HSPH1: variants seen among roughly 807,000 people sequenced by gnomAD.
HSPH1 encodes heat shock protein 105 kDa.
In HSPH1, 40 loss-of-function variants were observed where a neutral mutation model predicts 100.0. That is an observed-to-expected ratio of 0.40 (90% CI 0.31 to 0.52). The LOEUF is 0.52. HSPH1 is among the 20% of genes least tolerant of loss of function. The pLI, the probability that HSPH1 is intolerant of heterozygous loss-of-function variation, is 0.54. For missense variants in HSPH1, 876 were observed against 1,015.1 expected (o/e 0.86, Z 1.86); for synonymous variants, 403 against 344.0 (o/e 1.17, Z -1.90).
chr13:31,148,867 G>A (rs1385654839), intron 8 of HSPH1, among the ~76,000 whole-genome samples: 2 of 151,948 alleles, frequency 1.3e-5, no homozygotes, highest in African/African-American at 4.8e-5. Flanking sequence ...AAATGTCTGA[G>A]AAACCCCCCA....
intron 6 of HSPH1, 140 bp from the exon 7 acceptor site, chr13:31,151,331 C>A: frequency 1.3e-6 from 1 of 791,898 alleles, no homozygotes; most frequent in East Asian, 2.7e-5. Context: ...CCAAATCAGT[C>A]AGGAATAAAT....
rs544610284 is a variant in HSPH1, at chr13:31,137,439, G to C, written c.2456C>G (p.Pro819Arg). The change falls in exon 18 of 18, where the codon CCA (proline) becomes CGA (arginine). Residue 819 changes from proline (P) to arginine (R), a missense_variant. Transcript: ENST00000320027. ...ATCTTCTTCCTTTTTATCAATATTT[G>C]GGCCATTTGGAGTTCTTTCCAGTTT... ...SPKLERTPNG[P>R]NIDKKEEDLE... 6.2e-7 allele frequency: 1 copy of C among 1,613,372 alleles called. No individual in the cohort carries two copies. The highest frequency in any genetic ancestry group is 8.5e-7 in the Non-Finnish European group (1 of 1,179,564).
chr13:31,143,370 GACCGA>G (rs760537573), intron 12 of HSPH1, among the ~76,000 whole-genome samples: 39 of 151,974 alleles, frequency 2.6e-4, no homozygotes, highest in Non-Finnish European at 4.7e-4. Context: ...ACTTAAATTT[GACCGA>G]TGGCTTGAGA....
Position 31,156,889 on chromosome 13 carries a change from G to A in HSPH1, c.166-1235C>T, listed in dbSNP as rs560429072. Among the ~76,000 whole-genome samples, 7 of 152,174 alleles carry A rather than the reference G, an allele frequency of 4.6e-5. No homozygotes were observed. The East Asian group carries it at 1.4e-3, about 29-fold the overall frequency. On this transcript the variant is annotated intron_variant, in intron 2 of 17. Coordinates refer to ENST00000320027, the MANE Select transcript of HSPH1 (RefSeq NM_006644.4). ...GGTGTTTTTTTAATCCACCGTTTTGGTCAAATATTTTAGGTAAACTCTAGA... is the reference window on the plus strand; with the variant it reads ...GGTGTTTTTTTAATCCACCGTTTTGATCAAATATTTTAGGTAAACTCTAGA...
At chr13:31,156,808 A>G (rs1956715493) in intron 2 of HSPH1, among the ~76,000 whole-genome samples, 2 of 152,208 alleles carry the variant, frequency 1.3e-5, no homozygotes, top group South Asian at 4.1e-4. Flanking sequence ...AAAAACAAGA[A>G]ATTGAACTGC....
chr13:31,158,514 A>G (rs1335250808), intron 2 of HSPH1, among the ~76,000 whole-genome samples: 2 of 140,524 alleles, frequency 1.4e-5, no homozygotes, highest in Non-Finnish European at 3.0e-5. Context: ...GCGCCACTGC[A>G]CTCTAGCCTG....
At chr13:31,138,593 C>A (rs1278326518) in intron 16 of HSPH1, 25 bp from the exon 17 acceptor site, 1 of 1,588,610 alleles carries the variant, frequency 6.3e-7, no homozygotes, top group East Asian at 2.2e-5. Flanking sequence ...CACGGTCATT[C>A]TGTAGAATTT....
rs200788991 is a variant in HSPH1, at chr13:31,161,325, G to C, written c.107+151C>G. 686 of 1,366,950 alleles carry C rather than the reference G, an allele frequency of 5.0e-4. 8 individuals carry two copies. In the East Asian group the frequency reaches 0.017, roughly 33 times the overall value. 84.7% of individuals were successfully genotyped at this position (1,366,950 alleles called of 1,614,324 possible). A position where few individuals can be genotyped will look rare whatever the true frequency, so the allele number is the denominator to read the frequency against. ...CAAGCCCCCCATCCCTCCTCTGGCC[G>C]GGTCGCTGGTCCCTAGTTCCACGGA... is the stretch of plus-strand genomic sequence containing the variant. On this transcript the variant is annotated intron_variant, in intron 1 of 17. Transcript: ENST00000320027.
intron 2 of HSPH1, among the ~76,000 whole-genome samples, chr13:31,156,189 G>A (rs999571303): frequency 6.6e-6 from 1 of 152,190 alleles, no homozygotes; most frequent in Admixed American, 6.5e-5. Context: ...AGGAGATGGA[G>A]ACCATCCTGG....
rs1257477186 is a variant in HSPH1 at position 31,137,290 on chromosome 13, T to C, written c.*28A>G. On this transcript the variant is annotated 3_prime_UTR_variant, in exon 18 of 18. Coordinates refer to ENST00000320027, the MANE Select transcript of HSPH1 (RefSeq NM_006644.4). ...TACTATGGCAAAAATATTTTATTAA[T>C]TGAAGGAATAGGCCAATTTAAGGTT... 1 of 1,346,806 alleles carries C rather than the reference T, an allele frequency of 7.4e-7. No homozygotes were observed. The highest frequency in any genetic ancestry group is 1.9e-5 in the Admixed American group (1 of 52,622). The allele number at this position is 1,346,806 out of a possible 1,614,324, so 83.4% of individuals were successfully genotyped here. A position where few individuals can be genotyped will look rare whatever the true frequency, so the allele number is the denominator to read the frequency against.
At chr13:31,149,830 GGTTT>G (rs780364699) in intron 8 of HSPH1, 120 bp downstream of exon 8, 74 of 723,508 alleles carry the variant, frequency 1.0e-4, no homozygotes, top group Non-Finnish European at 1.6e-4. Context: ...CAGCTTTACG[GGTTT>G]GTTTAAAATG....
intron 10 of HSPH1, among the ~76,000 whole-genome samples, chr13:31,146,725 A>G (rs1290397130): frequency 1.3e-5 from 2 of 152,186 alleles, no homozygotes; most frequent in Non-Finnish European, 2.9e-5. Flanking sequence ...ACCTGTTACA[A>G]AAGTTACCTT....
intron 10 of HSPH1, 35 bp from the exon 11 acceptor site, chr13:31,145,803 ATTT>A (rs1566001569): frequency 6.3e-7 from 1 of 1,591,776 alleles, no homozygotes; most frequent in Non-Finnish European, 8.6e-7. Flanking sequence ...CAAAATCACA[ATTT>A]ATTTAGAATT....
chr13:31,139,287 C>T, intron 14 of HSPH1, 180 bp from the exon 15 acceptor site: 1 of 570,832 alleles, frequency 1.8e-6, no homozygotes, highest in East Asian at 2.8e-5. Flanking sequence ...AATATTTTAT[C>T]TTAGAAGCCC....
rs1232286112 is a variant in HSPH1, at chr13:31,148,074, A to C, written c.1263T>G (p.Ser421Arg). Residue 421 changes from serine (S) to arginine (R), a missense_variant, in exon 10 of 18, where the codon AGT becomes AGG. Ser to Arg is a moderately radical substitution (Grantham distance 110). Transcript: ENST00000320027. ...EDTEGVHEVF[S>R]RNHAAPFSKV... ...TGGAGAAAGGAGCAGCATGGTTTCGACTAAAGACTTCATGAACACTAGAGA... is the reference window on the plus strand; with the variant it reads ...TGGAGAAAGGAGCAGCATGGTTTCGCCTAAAGACTTCATGAACACTAGAGA... The C allele has an allele frequency of 1.2e-6, 2 of 1,606,978 alleles. No homozygotes were observed. Among genetic ancestry groups the C allele is most frequent in the South Asian group, 2.2e-5 (2 of 89,240 alleles).
chr13:31,159,131 G>A (rs186973255), intron 1 of HSPH1, among the ~76,000 whole-genome samples: 33 of 152,078 alleles, frequency 2.2e-4, no homozygotes, highest in Non-Finnish European at 4.3e-4. Context: ...ATTATGAACC[G>A]AACATTAACT....
intron 11 of HSPH1, among the ~76,000 whole-genome samples, chr13:31,145,301 A>G (rs1053461866): frequency 7.2e-5 from 11 of 152,102 alleles, no homozygotes; most frequent in African/African-American, 2.2e-4. Flanking sequence ...AAAAACCAAA[A>G]AACTCCCAAC....
At chr13:31,144,649 G>A (rs2137566592) in intron 11 of HSPH1, among the ~76,000 whole-genome samples, 1 of 152,098 alleles carries the variant, frequency 6.6e-6, no homozygotes, top group Middle Eastern at 3.4e-3. Context: ...AATACTCTAG[G>A]TTAACTACTT....
chr13:31,145,215 T>C (rs1004719144), intron 11 of HSPH1, among the ~76,000 whole-genome samples: 1 of 152,186 alleles, frequency 6.6e-6, no homozygotes, highest in African/African-American at 2.4e-5. Context: ...TCAAACAGTT[T>C]TTGTAGCAGT....
Sources: allele counts gnomAD v4.1 joint callset (sites outside exome capture counted in the v4.1 genomes callset), GRCh38; gene constraint gnomAD v4.1.1; transcripts MANE v1.5; gene names NCBI Gene and HGNC (gene_info 2026-07-23, HGNC 2026-07-21).